RREB1: variants seen among roughly 807,000 people sequenced by gnomAD.
RREB1 encodes the protein ras-responsive element-binding protein 1.
RREB1 carries 27 observed loss-of-function variants against 117.8 expected under a neutral mutation model. That is an observed-to-expected ratio of 0.23 (90% CI 0.17 to 0.32). The LOEUF is 0.32. Among genes scored for constraint, RREB1 ranks in the 10% least tolerant of loss-of-function variants. The pLI is 1.00. For synonymous variants in RREB1, 1,298 were observed against 1,026.7 expected (o/e 1.26, Z -5.05); for missense variants, 2,577 against 2,378.2 (o/e 1.08, Z -1.74).
chr6:7,198,664 A>G (rs919191500), intron 6 of RREB1, among the ~76,000 whole-genome samples: 1 of 152,228 alleles, frequency 6.6e-6, no homozygotes, highest in Non-Finnish European at 1.5e-5. Flanking sequence ...TTTCATTATG[A>G]TAATACTTGG....
intron 1 of RREB1, among the ~76,000 whole-genome samples, chr6:7,115,267 C>T (rs141169870): frequency 1.9e-3 from 283 of 152,036 alleles, no homozygotes; most frequent in African/African-American, 4.1e-3. Flanking sequence ...TTAAGGGACC[C>T]CAGGCCTCAG....
intron 11 of RREB1, among the ~76,000 whole-genome samples, chr6:7,244,431 C>T (rs959676439): frequency 1.8e-4 from 27 of 152,072 alleles, no homozygotes; most frequent in African/African-American, 6.0e-4. Context: ...ACCCACAAAG[C>T]CAGCAAACAA....
chr6:7,242,870 G>A (rs1768800172), intron 11 of RREB1, among the ~76,000 whole-genome samples: 1 of 152,168 alleles, frequency 6.6e-6, no homozygotes, highest in Non-Finnish European at 1.5e-5. Context: ...AGTGGGGGCA[G>A]TTCTCCCTTA....
At chr6:7,232,763 CTTTT>C (rs59522749) in intron 10 of RREB1, among the ~76,000 whole-genome samples, 1 of 136,968 alleles carries the variant, frequency 7.3e-6, no homozygotes. Context: ...TTTTCTTTTT[CTTTT>C]TTTTTTTTTT....
chr6:7,109,293 C>A (rs1403856128), intron 1 of RREB1, among the ~76,000 whole-genome samples: 1 of 151,764 alleles, frequency 6.6e-6, no homozygotes, highest in East Asian at 2.0e-4. Context: ...TTGGGCCGGG[C>A]CCCCCGCGCC....
At chr6:7,193,101 TATTA>T (rs1765494676) in intron 6 of RREB1, among the ~76,000 whole-genome samples, 1 of 152,258 alleles carries the variant, frequency 6.6e-6, no homozygotes, top group Non-Finnish European at 1.5e-5. Context: ...TCAAATTTCT[TATTA>T]ATTTCTAGTT....
chr6:7,144,282 T>A (rs116471214), intron 1 of RREB1, among the ~76,000 whole-genome samples: 4 of 152,336 alleles, frequency 2.6e-5, no homozygotes, highest in African/African-American at 7.2e-5. Context: ...GATTTAACCA[T>A]TTCACAATGT....
Position 7,229,414 on chromosome 6 carries a change from C to G in RREB1, c.1315C>G (p.Leu439Val). Residue 439 changes from leucine (L) to valine (V), a missense_variant, in exon 10 of 13, where the codon CTG (leucine) becomes GTG (valine). Coordinates refer to ENST00000379938, the MANE Select transcript of RREB1 (RefSeq NM_001003699.4). This position sits in a 1 kb window ranked among gnomAD's most constrained non-coding sequence, Gnocchi z 4.5. ...ATKDSIKHLS[L>V]QPFQKGFIIQ... is the part of the protein sequence containing the mutation. ...CAAGGACAGCATAAAGCACCTGTCC[C>G]TGCAGCCCTTCCAGAAGGGCTTCAT... 6.2e-7 allele frequency: 1 copy of G among 1,614,198 alleles called. No homozygotes were observed. The highest frequency in any genetic ancestry group is 8.5e-7 in the Non-Finnish European group (1 of 1,180,012).
chr6:7,186,336 C>A (rs1765080290), intron 4 of RREB1, among the ~76,000 whole-genome samples: 1 of 152,216 alleles, frequency 6.6e-6, no homozygotes, highest in African/African-American at 2.4e-5. Context: ...GCACATATCA[C>A]CATCATCTGG....
chr6:7,199,025 G>A (rs1765802697), intron 6 of RREB1, among the ~76,000 whole-genome samples: 1 of 152,162 alleles, frequency 6.6e-6, no homozygotes, highest in Non-Finnish European at 1.5e-5. Flanking sequence ...CACCACATAA[G>A]CTTATTGATT....
intron 1 of RREB1, among the ~76,000 whole-genome samples, chr6:7,159,903 A>G (rs1289312672): frequency 6.6e-6 from 1 of 152,184 alleles, no homozygotes; most frequent in African/African-American, 2.4e-5. Flanking sequence ...TTTCAAGGGT[A>G]TGACTCTTGC....
intron 2 of RREB1, among the ~76,000 whole-genome samples, chr6:7,179,256 T>C (rs1764663480): frequency 6.6e-6 from 1 of 152,232 alleles, no homozygotes; most frequent in Non-Finnish European, 1.5e-5. Context: ...TTCCTTTTTC[T>C]ACACACATAC....
Position 7,246,991 on chromosome 6 carries a change from C to G in RREB1, c.4541C>G (p.Ala1514Gly). 1 of 1,594,254 alleles carries G rather than the reference C, an allele frequency of 6.3e-7. No homozygotes were observed. The highest frequency in any genetic ancestry group is 1.1e-5 in the South Asian group (1 of 88,838). The change falls in exon 12 of 13, where the codon GCC (alanine) becomes GGC (glycine). Residue 1514 changes from alanine to glycine, a missense_variant. Ala to Gly is a moderately conservative substitution (Grantham distance 60). Coordinates refer to ENST00000379938, the MANE Select transcript of RREB1 (RefSeq NM_001003699.4). ...PAEVVESAPG[A>G]GEAPAEKLAE... ...GAGGTGGTGGAGTCGGCCCCGGGTG[C>G]CGGGGAGGCCCCGGCGGAAAAGCTC...
intron 10 of RREB1, among the ~76,000 whole-genome samples, chr6:7,237,114 C>A (rs1768381110): frequency 1.3e-5 from 2 of 151,776 alleles, no homozygotes; most frequent in Admixed American, 1.3e-4. Context: ...GAGACAAATT[C>A]TTGCTCTGTA....
intron 1 of RREB1, among the ~76,000 whole-genome samples, chr6:7,141,093 C>A (rs973499823): frequency 5.9e-5 from 9 of 152,218 alleles, no homozygotes; most frequent in African/African-American, 9.6e-5. Flanking sequence ...ACCGGGCAGC[C>A]GACTGCCCGC....
chr6:7,126,310 C>G (rs1055969591), intron 1 of RREB1, among the ~76,000 whole-genome samples: 1 of 150,414 alleles, frequency 6.6e-6, no homozygotes, highest in African/African-American at 2.5e-5. Flanking sequence ...TCGATTCCCC[C>G]CCGACCCATT....
intron 1 of RREB1, among the ~76,000 whole-genome samples, chr6:7,166,480 GC>G (rs1241907701): frequency 1.3e-4 from 20 of 152,146 alleles, no homozygotes; most frequent in African/African-American, 4.8e-4. Flanking sequence ...CTGTTGTATG[GC>G]GGAGGGCAGC....
At chr6:7,169,929 CCAGT>C (rs1415209476) in intron 1 of RREB1, among the ~76,000 whole-genome samples, 5 of 152,166 alleles carry the variant, frequency 3.3e-5, no homozygotes, top group Non-Finnish European at 5.9e-5. Flanking sequence ...CCCTGTCTCC[CCAGT>C]CAATGTGTGC....
chr6:7,126,288 C>T (rs542794566), intron 1 of RREB1, among the ~76,000 whole-genome samples: 1 of 152,122 alleles, frequency 6.6e-6, no homozygotes, highest in Non-Finnish European at 1.5e-5. Context: ...GCGTGAGCCA[C>T]TGCGCCCGGC....
Sources: gnomAD v4.1 joint callset for allele counts (sites outside exome capture counted in the v4.1 genomes callset) on GRCh38, gnomAD v4.1.1 for gene constraint, Gnocchi (gnomAD v3.1) non-coding constraint, MANE v1.5 for transcripts, NCBI Gene and HGNC (gene_info 2026-07-23, HGNC 2026-07-21) for gene names.